PDE10A: variants seen among roughly 807,000 people sequenced by gnomAD.
PDE10A encodes cAMP and cAMP-inhibited cGMP 3',5'-cyclic phosphodiesterase 10A.
In PDE10A, 39 loss-of-function variants were observed where a neutral mutation model predicts 97.7. The observed-to-expected ratio is 0.40, with a 90% CI of 0.31 to 0.52. The LOEUF is 0.52. Among genes scored for constraint, PDE10A ranks in the 20% least tolerant of loss-of-function variants. PDE10A has a pLI of 0.56. For missense variants in PDE10A, 731 were observed against 1,047.8 expected (o/e 0.70, Z 4.17); for synonymous variants, 371 against 376.8 (o/e 0.98, Z 0.18).
intron 1 of PDE10A, among the ~76,000 whole-genome samples, chr6:165,567,994 A>ATTTTTTT (rs386409260): frequency 3.8e-5 from 5 of 130,650 alleles, no homozygotes; most frequent in African/African-American, 9.2e-5. Flanking sequence ...GCAACAAGGC[A>ATTTTTTT]TTTTTTTTTT....
intron 1 of PDE10A, among the ~76,000 whole-genome samples, chr6:165,619,423 T>G (rs1283912912): frequency 3.2e-4 from 42 of 129,306 alleles, no homozygotes; most frequent in African/African-American, 4.0e-4. Flanking sequence ...TGTAGTGTAG[T>G]GTAGTATAGT....
chr6:165,442,232 T>G (rs1790522870), intron 5 of PDE10A, among the ~76,000 whole-genome samples: 1 of 152,136 alleles, frequency 6.6e-6, no homozygotes, highest in African/African-American at 2.4e-5. Context: ...CATGTTGGTG[T>G]GCTGCACCCA....
At chr6:165,963,918 T>C (rs1784430882) in intron 1 of PDE10A, among the ~76,000 whole-genome samples, 1 of 152,168 alleles carries the variant, frequency 6.6e-6, no homozygotes, top group Admixed American at 6.5e-5. Flanking sequence ...CTGCACCTTA[T>C]CGAGGTTTGA....
chr6:165,487,202 T>C (rs903798337), intron 2 of PDE10A, among the ~76,000 whole-genome samples: 1 of 152,192 alleles, frequency 6.6e-6, no homozygotes, highest in African/African-American at 2.4e-5. Flanking sequence ...CCAGGTAGAA[T>C]ATCCTGAGGT....
intron 2 of PDE10A, among the ~76,000 whole-genome samples, chr6:165,486,191 T>C (rs969898128): frequency 2.0e-5 from 3 of 152,208 alleles, no homozygotes; most frequent in African/African-American, 7.2e-5. Context: ...CTTGTTAATG[T>C]GTGATATATT....
intron 12 of PDE10A, 109 bp downstream of exon 12, chr6:165,416,080 G>C (rs1583239671): frequency 2.7e-6 from 2 of 731,286 alleles, no homozygotes; most frequent in East Asian, 5.0e-5. Flanking sequence ...AACTAAGGAA[G>C]AAAGAACTGA....
intron 3 of PDE10A, among the ~76,000 whole-genome samples, chr6:165,457,373 A>T (rs1013088780): frequency 6.6e-6 from 1 of 152,152 alleles, no homozygotes; most frequent in Non-Finnish European, 1.5e-5. Flanking sequence ...CATTTTTCCC[A>T]AATCAAATTG....
chr6:165,692,918 C>T (rs528600258), intron 1 of PDE10A, among the ~76,000 whole-genome samples: 123 of 152,292 alleles, frequency 8.1e-4, no homozygotes, highest in African/African-American at 1.3e-3. Context: ...AGTGTCTGTA[C>T]GGCAGAGATA....
intron 1 of PDE10A, among the ~76,000 whole-genome samples, chr6:165,731,804 T>G (rs1392884095): frequency 1.3e-5 from 2 of 152,160 alleles, no homozygotes; most frequent in Admixed American, 1.3e-4. Context: ...AGCAGAAATT[T>G]CAAGATTTTA....
intron 1 of PDE10A, among the ~76,000 whole-genome samples, chr6:165,868,368 GACTATTATGAACA>G (rs1781112946): frequency 6.6e-6 from 1 of 151,990 alleles, no homozygotes; most frequent in Non-Finnish European, 1.5e-5. Context: ...AAGGATTAGA[GACTATTATGAACA>G]ACTATTTGAT....
intron 1 of PDE10A, among the ~76,000 whole-genome samples, chr6:165,767,382 T>C (rs1777882150): frequency 6.6e-6 from 1 of 152,222 alleles, no homozygotes; most frequent in South Asian, 2.1e-4. Flanking sequence ...CACTCTGTAA[T>C]TCAAGAACAT....
chr6:165,950,406 C>A (rs894925857), intron 1 of PDE10A, among the ~76,000 whole-genome samples: 2 of 152,186 alleles, frequency 1.3e-5, no homozygotes, highest in African/African-American at 2.4e-5. Context: ...GAATTTTTAG[C>A]TTCTGATTTC....
chr6:165,852,308 G>A (rs1162479444), intron 1 of PDE10A, among the ~76,000 whole-genome samples: 1 of 152,198 alleles, frequency 6.6e-6, no homozygotes, highest in African/African-American at 2.4e-5. Context: ...CATCTAAAGT[G>A]CATGACAGCA....
At chr6:165,605,277 A>G (rs1787153558) in intron 1 of PDE10A, among the ~76,000 whole-genome samples, 1 of 148,700 alleles carries the variant, frequency 6.7e-6, no homozygotes, top group Admixed American at 6.6e-5. Context: ...ACAAACAAAC[A>G]AAAAAAACCA....
chr6:165,513,091 T>G (rs1194979391), intron 2 of PDE10A, among the ~76,000 whole-genome samples: 1 of 152,044 alleles, frequency 6.6e-6, no homozygotes, highest in Non-Finnish European at 1.5e-5. Context: ...TAAAATTTTT[T>G]GGACTGTGCT....
intron 1 of PDE10A, among the ~76,000 whole-genome samples, chr6:165,659,342 A>T (rs560739878): frequency 1.1e-3 from 168 of 152,308 alleles, no homozygotes; most frequent in African/African-American, 3.8e-3. Flanking sequence ...CCATTCTAAA[A>T]TTTTTAAAGA....
chr6:165,750,585 C>T (rs1432891237), intron 1 of PDE10A, among the ~76,000 whole-genome samples: 1 of 152,204 alleles, frequency 6.6e-6, no homozygotes, highest in Non-Finnish European at 1.5e-5. Context: ...TCGTGAGTTC[C>T]ACAGAGACCA....
At chr6:165,626,599 C>T (rs577691888) in intron 1 of PDE10A, among the ~76,000 whole-genome samples, 44 of 152,288 alleles carry the variant, frequency 2.9e-4, no homozygotes, top group South Asian at 2.7e-3. Context: ...CACAGCTTAC[C>T]TAAAATACCA....
intron 16 of PDE10A, among the ~76,000 whole-genome samples, chr6:165,389,740 G>A (rs1456926691): frequency 6.6e-6 from 1 of 152,192 alleles, no homozygotes; most frequent in East Asian, 1.9e-4. Flanking sequence ...TGCCCATGTG[G>A]CGTTTAAGGC....
Sources: allele counts gnomAD v4.1 joint callset (sites outside exome capture counted in the v4.1 genomes callset), GRCh38; gene constraint gnomAD v4.1.1; transcripts MANE v1.5; gene names NCBI Gene and HGNC (gene_info 2026-07-23, HGNC 2026-07-21).